ESPL1: variants seen among roughly 807,000 people sequenced by gnomAD.
ESPL1 encodes separin.
ESPL1 carries 50 observed loss-of-function variants against 217.2 expected under a neutral mutation model. The ratio of observed to expected loss-of-function variants is 0.23; its 90% CI spans 0.18 to 0.29. The LOEUF (loss-of-function observed/expected upper bound fraction) is 0.29. ESPL1 is among the 10% of genes least tolerant of loss of function. ESPL1 has a pLI of 1.00. For missense variants in ESPL1, 1,834 were observed against 2,603.0 expected (o/e 0.70, Z 6.43); for synonymous variants, 994 against 1,081.3 (o/e 0.92, Z 1.58).
intron 1 of ESPL1, 72 bp downstream of exon 1, chr12:53,268,449 A>C: frequency 9.3e-6 from 3 of 323,964 alleles, no homozygotes; most frequent in Non-Finnish European, 1.1e-5. Context: ...TGACGCGAGG[A>C]GAGGCGTGGG....
intron 3 of ESPL1, 141 bp downstream of exon 3, chr12:53,270,226 G>A: frequency 2.1e-6 from 2 of 961,756 alleles, no homozygotes; most frequent in South Asian, 1.5e-5. Flanking sequence ...CCAGCAAACA[G>A]CCTAGTCTAT....
chr12:53,285,010 C>CAAAAA (rs546915854), intron 17 of ESPL1, among the ~76,000 whole-genome samples: 2 of 100,476 alleles, frequency 2.0e-5, no homozygotes, highest in Admixed American at 1.1e-4. Context: ...GACTCTGACT[C>CAAAAA]AAAAAAAAAA....
chr12:53,289,756 T>C lies in ESPL1; in HGVS notation c.5113+162T>C, dbSNP rs1944019481. ...CATCTTACATCAGGAAGGTTTGTTG[T>C]TTTTTTTAAACCTCAACTTTGAATT... On this transcript the variant is annotated intron_variant, in intron 22 of 30. Transcript: ENST00000257934. 59 of 670,088 alleles carry C rather than the reference T, an allele frequency of 8.8e-5. 1 individual carries two copies. The South Asian group carries it at 1.2e-3, about 14-fold the overall frequency. The allele number at this position is 670,088 out of a possible 1,614,324, so 41.5% of individuals were successfully genotyped here.
intron 17 of ESPL1, among the ~76,000 whole-genome samples, chr12:53,284,696 T>C (rs1282377315): frequency 6.6e-6 from 1 of 151,890 alleles, no homozygotes; most frequent in East Asian, 1.9e-4. Flanking sequence ...TCCTAATACA[T>C]TTTGGCTATT....
In ESPL1 at chr12:53,269,332, G is replaced by T; in HGVS notation, c.390G>T (p.Gln130His). ...LAQPLHACLV[Q>H]CSREAAPQDY... ...AGCCCCTCCATGCCTGCTTGGTGCAGTGCTCTCGCGAGGCTGCTCCCCAGG... is the reference window on the plus strand; with the variant it reads ...AGCCCCTCCATGCCTGCTTGGTGCATTGCTCTCGCGAGGCTGCTCCCCAGG... The change falls in exon 3 of 31, where the codon CAG (glutamine) becomes CAT (histidine). Residue 130 changes from glutamine (Q) to histidine (H), a missense_variant. Physicochemically the swap from Gln to His is conservative, Grantham distance 24 (BLOSUM62 0). This residue lies in a region of ESPL1 where 746 missense variants were observed against 1,077.0 expected (regional missense o/e 0.69). Transcript: ENST00000257934. The surrounding 1 kb of genome is among the most constrained non-coding windows in gnomAD (Gnocchi z 6.7). The T allele has an allele frequency of 1.9e-6, 3 of 1,614,150 alleles. No homozygotes were observed. The highest frequency in any genetic ancestry group is 2.5e-6 in the Non-Finnish European group (3 of 1,180,042).
Position 53,292,707 on chromosome 12 carries a change from T to TA in ESPL1, c.5996+51dup, listed in dbSNP as rs1172702685. 6.3e-7 allele frequency: 1 copy of TA among 1,599,154 alleles called. No homozygotes were observed. The highest frequency in any genetic ancestry group is 1.7e-5 in the Admixed American group (1 of 59,992). ...GGGAGAGGGGCAGTCCTGAGGATGG[T>TA]ATCACCATGGGTTGCTTTGGGACTT... is the stretch of plus-strand genomic sequence containing the variant. On this transcript the variant is annotated intron_variant, in intron 29 of 30. Transcript: ENST00000257934. This position sits in a 1 kb window ranked among gnomAD's most constrained non-coding sequence, Gnocchi z 4.5.
intron 12 of ESPL1, among the ~76,000 whole-genome samples, chr12:53,281,198 C>T (rs1232595193): frequency 7.4e-6 from 1 of 135,590 alleles, no homozygotes; most frequent in African/African-American, 2.8e-5. Flanking sequence ...AGTGCAGTGG[C>T]GCGATCTCCA....
chr12:53,287,900 C>T (rs940502397), intron 18 of ESPL1, 72 bp from the exon 19 acceptor site: 18 of 1,457,102 alleles, frequency 1.2e-5, no homozygotes, highest in East Asian at 2.3e-5. Context: ...GCCTCCACTA[C>T]GCCACCTGCT....
At position 53,274,919 on chromosome 12, in the gene ESPL1, T is replaced by C; in HGVS notation, c.1609T>C (p.Cys537Arg). 1 of 1,610,446 alleles carries C rather than the reference T, an allele frequency of 6.2e-7. No individual in the cohort carries two copies. The highest frequency in any genetic ancestry group is 8.5e-7 in the Non-Finnish European group (1 of 1,178,322). The change falls in exon 7 of 31, where the codon TGT becomes CGT. Residue 537 changes from cysteine (C) to arginine (R), a missense_variant. Transcript: ENST00000257934. ...TTTGTGGCTGGCAGCCCTGCAACCC[T>C]GTAGCCCTGAACACATGGCTGAGCC... The part of the protein sequence containing the change: ...VILWLAALQP[C>R]SPEHMAEPVT...
rs956057828 is a variant in ESPL1 at position 53,292,763 on chromosome 12, G to A, written c.5997-43G>A. 6.2e-7 allele frequency: 1 copy of A among 1,605,900 alleles called. No homozygotes were observed. The highest frequency in any genetic ancestry group is 1.3e-5 in the African/African-American group (1 of 74,912). On this transcript the variant is annotated intron_variant, in intron 29 of 30. Coordinates refer to ENST00000257934, the MANE Select transcript of ESPL1 (RefSeq NM_012291.5). This position sits in a 1 kb window ranked among gnomAD's most constrained non-coding sequence, Gnocchi z 4.5. ...CCTCTGAAGACACAGGCAGAGGCCA[G>A]GTATTACTAGCTCAAGACTCATCTC... is the stretch of plus-strand genomic sequence containing the variant.
rs773308492 is a variant in ESPL1, at chr12:53,288,718, A to T, written c.4708+19A>T. On this transcript the variant is annotated intron_variant, in intron 20 of 30. Coordinates refer to ENST00000257934, the MANE Select transcript of ESPL1 (RefSeq NM_012291.5). Reference sequence around the variant, plus strand: ...GCCACTGGTGAATATGCGACCCCTGATGTTGGTCACTTGGAGAGGGCTGAG... The same window carrying T: ...GCCACTGGTGAATATGCGACCCCTGTTGTTGGTCACTTGGAGAGGGCTGAG... 1 of 1,599,128 alleles carries T rather than the reference A, an allele frequency of 6.3e-7. No homozygotes were observed. The highest frequency in any genetic ancestry group is 8.5e-7 in the Non-Finnish European group (1 of 1,173,960).
intron 4 of ESPL1, 79 bp downstream of exon 4, chr12:53,270,561 G>T (rs1191059514): frequency 3.0e-6 from 4 of 1,326,678 alleles, no homozygotes; most frequent in African/African-American, 1.4e-5. Flanking sequence ...CAGCTTTGGG[G>T]TTGCTCCACT....
intron 16 of ESPL1, 72 bp from the exon 17 acceptor site, chr12:53,283,986 G>A: frequency 8.7e-7 from 1 of 1,143,622 alleles, no homozygotes. Flanking sequence ...GCCTGGGAAA[G>A]AGGCAAAGAG....
Position 53,272,825 on chromosome 12 carries a change from C to G in ESPL1, c.1474C>G (p.Pro492Ala). 1 of 1,614,088 alleles carries G rather than the reference C, an allele frequency of 6.2e-7. No homozygotes were observed. The highest frequency in any genetic ancestry group is 8.5e-7 in the Non-Finnish European group (1 of 1,180,024). ...CTGTCAGCACCTGGGTTTGGTGAAG[C>G]CAGGCACTTATCCCGAGGTGCCTCC... ...PLCQHLGLVKPGTYPEVPPEK... is the reference protein window; with the variant it reads ...PLCQHLGLVKAGTYPEVPPEK... The change falls in exon 6 of 31, where the codon CCA (proline) becomes GCA (alanine). Residue 492 changes from proline to alanine, a missense_variant. Pro to Ala is a conservative substitution (Grantham distance 27). Transcript: ENST00000257934.
chr12:53,277,685 A>G, intron 10 of ESPL1, 77 bp downstream of exon 10: 1 of 1,579,532 alleles, frequency 6.3e-7, no homozygotes, highest in Non-Finnish European at 8.7e-7. Context: ...GGTGAGGGAA[A>G]CCCTGACCTT....
intron 9 of ESPL1, 23 bp from the exon 10 acceptor site, chr12:53,277,447 T>C: frequency 6.2e-7 from 1 of 1,611,108 alleles, no homozygotes; most frequent in Admixed American, 1.7e-5. Context: ...TGCCCTGTTT[T>C]ATACCCCGAT....
At chr12:53,283,985 A>G in intron 16 of ESPL1, 73 bp from the exon 17 acceptor site, 1 of 1,133,354 alleles carries the variant, frequency 8.8e-7, no homozygotes, top group Non-Finnish European at 1.3e-6. Context: ...GGCCTGGGAA[A>G]GAGGCAAAGA....
rs560738314 is a variant in ESPL1, at chr12:53,288,044, A to G, written c.4249A>G (p.Arg1417Gly). The change falls in exon 19 of 31, where the codon AGA becomes GGA. Residue 1417 changes from arginine (R) to glycine (G), a missense_variant. Coordinates refer to ENST00000257934, the MANE Select transcript of ESPL1 (RefSeq NM_012291.5). ...AEAWLAEEPKRRGTASRGRGR... is the reference protein window; with the variant it reads ...AEAWLAEEPKGRGTASRGRGR... ...GGCCTGGCTGGCAGAGGAGCCTAAG[A>G]GACGGGGCACTGCTTCCCGGGGCCG... is the stretch of plus-strand genomic sequence containing the variant. 4 of 1,613,578 alleles carry G rather than the reference A, an allele frequency of 2.5e-6. No individual in the cohort carries two copies. The African/African-American group carries it at 5.3e-5, about 21-fold the overall frequency.
chr12:53,289,100 C>T lies in ESPL1; in HGVS notation c.4719C>T (p.Thr1573=), dbSNP rs1348903806. The T allele has an allele frequency of 6.2e-7, 1 of 1,613,568 alleles. No homozygotes were observed. Among genetic ancestry groups the T allele is most frequent in the African/African-American group, 1.3e-5 (1 of 74,908 alleles). The stretch of plus-strand genomic sequence containing the variant: ...CTGACGTTCTTCTAGGTCTTTCTAC[C>T]CTGGACTCCATCTGTGACTCCCTGA... ...PSAPVATGLS[T]LDSICDSLSV... The change falls in exon 21 of 31, where the codon ACC becomes ACT. Residue 1573 remains threonine, a synonymous_variant. Transcript: ENST00000257934.
Sources: allele counts gnomAD v4.1 joint callset (sites outside exome capture counted in the v4.1 genomes callset), GRCh38; gene constraint gnomAD v4.1.1; regional missense constraint gnomAD v4.1.1; non-coding constraint Gnocchi (gnomAD v3.1); transcripts MANE v1.5; gene names NCBI Gene and HGNC (gene_info 2026-07-23, HGNC 2026-07-21).